Variants in ULK4 observed in about 807,000 individuals in gnomAD.
ULK4 encodes the protein inactive serine/threonine-protein kinase ULK4.
A neutral mutation model predicts 160.6 loss-of-function variants in ULK4; 133 were observed. The observed-to-expected ratio is 0.83, with a 90% confidence interval of 0.72 to 0.96. The LOEUF (loss-of-function observed/expected upper bound fraction) is 0.96, where lower values mean the gene tolerates loss of function less well. ULK4 is among the 40% of genes least tolerant of loss of function. The pLI is 0.00. For synonymous variants in ULK4, 534 were observed against 539.8 expected (o/e 0.99, Z 0.15); for missense variants, 1,580 against 1,499.5 (o/e 1.05, Z -0.89).
At chr3:41,827,394 C>T (rs539091515) in intron 18 of ULK4, among the ~76,000 whole-genome samples, 5 of 151,948 alleles carry the variant, frequency 3.3e-5, no homozygotes, top group Admixed American at 2.6e-4. Flanking sequence ...AAAAGATCAA[C>T]AAAATTGATA....
chr3:41,931,775 C>G, intron 5 of ULK4, 69 bp downstream of exon 5: 2 of 1,550,968 alleles, frequency 1.3e-6, no homozygotes, highest in East Asian at 2.3e-5. Flanking sequence ...CTGACATTGT[C>G]TCCTAAACAC....
At chr3:41,929,403 A>C (rs7620421) in intron 5 of ULK4, among the ~76,000 whole-genome samples, 144,216 of 152,204 alleles carry the variant, frequency 0.95, 68,804 homozygotes, top group East Asian at 1. Flanking sequence ...TGGACAAAAA[A>C]GGAAAGCATT....
intron 12 of ULK4, among the ~76,000 whole-genome samples, chr3:41,902,301 C>T (rs1403312029): frequency 1.3e-5 from 2 of 151,872 alleles, no homozygotes; most frequent in Non-Finnish European, 2.9e-5. Flanking sequence ...AAAAAGAGGC[C>T]GGGTGCAGTG....
intron 5 of ULK4, among the ~76,000 whole-genome samples, chr3:41,926,126 C>T (rs1021050519): frequency 6.6e-6 from 1 of 152,188 alleles, no homozygotes; most frequent in Non-Finnish European, 1.5e-5. Context: ...GCAGGTGCCC[C>T]TCCAGGACGA....
intron 31 of ULK4, among the ~76,000 whole-genome samples, chr3:41,574,316 C>A (rs1290625497): frequency 1.3e-5 from 2 of 152,100 alleles, no homozygotes; most frequent in Non-Finnish European, 2.9e-5. Flanking sequence ...AGCCACAAAC[C>A]TTAGAATCAT....
chr3:41,550,127 G>C (rs1334922486), intron 32 of ULK4, among the ~76,000 whole-genome samples: 4 of 151,950 alleles, frequency 2.6e-5, no homozygotes, highest in African/African-American at 9.7e-5. Context: ...CCTACTGGTA[G>C]AGCAAACAAA....
Position 41,398,255 on chromosome 3 carries a change from C to G in ULK4, c.3502G>C (p.Glu1168Gln). 2 of 1,611,440 alleles carry G rather than the reference C, an allele frequency of 1.2e-6. No homozygotes were observed. Among genetic ancestry groups the G allele is most frequent in the Non-Finnish European group, 1.7e-6 (2 of 1,179,196 alleles). ...ISLLIPLLPN[E>Q]DPEIFDVSSK... ...GAAACATCAAAAATCTCAGGATCTT[C>G]ATTAGGAAGCTGAAAATTAACAAAT... The change falls in exon 35 of 37, where the codon GAA becomes CAA. Residue 1168 changes from glutamate to glutamine, a missense_variant. Glu to Gln is a conservative substitution (Grantham distance 29). Coordinates refer to ENST00000301831, the MANE Select transcript of ULK4 (RefSeq NM_017886.4).
At chr3:41,851,177 A>G (rs935179125) in intron 17 of ULK4, among the ~76,000 whole-genome samples, 12 of 152,116 alleles carry the variant, frequency 7.9e-5, no homozygotes, top group Non-Finnish European at 1.3e-4. Context: ...GAATGCTTCC[A>G]GTTTTTGCCC....
At chr3:41,871,248 T>C (rs906526078) in intron 17 of ULK4, among the ~76,000 whole-genome samples, 11 of 152,340 alleles carry the variant, frequency 7.2e-5, no homozygotes, top group Middle Eastern at 3.4e-3. Context: ...TTCATCATAA[T>C]GCCCTTGAAA....
At chr3:41,831,531 A>ATATATATATATATATATATT in intron 18 of ULK4, among the ~76,000 whole-genome samples, 2 of 138,064 alleles carry the variant, frequency 1.4e-5, no homozygotes, top group African/African-American at 5.7e-5. Flanking sequence ...ATATATATAT[A>ATATATATATATATATATATT]TTTTTTTTTC....
intron 35 of ULK4, among the ~76,000 whole-genome samples, chr3:41,391,265 G>C (rs144217474): frequency 6.6e-6 from 1 of 152,002 alleles, no homozygotes; most frequent in Non-Finnish European, 1.5e-5. Flanking sequence ...TTTCAGAAAC[G>C]CTTAAGAGCA....
At chr3:41,490,738 T>G (rs147986035) in intron 32 of ULK4, among the ~76,000 whole-genome samples, 224 of 152,338 alleles carry the variant, frequency 1.5e-3, no homozygotes, top group African/African-American at 5.1e-3. Context: ...TACCATGGTT[T>G]GGGAATATTA....
In ULK4 at chr3:41,962,060, C is replaced by G. The variant is rs997518246; in HGVS notation, c.-93G>C. 4 of 152,472 alleles carry G rather than the reference C, an allele frequency of 2.6e-5. No individual in the cohort carries two copies. Among genetic ancestry groups the G allele is most frequent in the African/African-American group, 9.6e-5 (4 of 41,480 alleles). The allele number at this position is 152,472 out of a possible 1,614,324, so 9.4% of individuals were successfully genotyped here. On this transcript the variant is annotated 5_prime_UTR_variant, in exon 1 of 37. Coordinates refer to ENST00000301831, the MANE Select transcript of ULK4 (RefSeq NM_017886.4). ...AAGAGTCCAGTCCACTTGGCTGCTC[C>G]CGCGGTTGCGCGCATCTCGGCCTCT...
chr3:41,431,379 T>C (rs2082903380), intron 34 of ULK4, among the ~76,000 whole-genome samples: 1 of 147,862 alleles, frequency 6.8e-6, no homozygotes. Context: ...ATAATAATAA[T>C]AATAATAATA....
intron 32 of ULK4, among the ~76,000 whole-genome samples, chr3:41,500,796 A>C (rs977195760): frequency 6.6e-6 from 1 of 152,204 alleles, no homozygotes; most frequent in Non-Finnish European, 1.5e-5. Flanking sequence ...CATGCCGGTC[A>C]TATTAGTTTT....
chr3:41,647,471 T>G (rs951722466), intron 30 of ULK4, among the ~76,000 whole-genome samples: 2 of 152,238 alleles, frequency 1.3e-5, no homozygotes, highest in Non-Finnish European at 2.9e-5. Flanking sequence ...CAGACCCTGT[T>G]TGCCTGGGTA....
At chr3:41,290,837 A>G (rs1331381790) in intron 35 of ULK4, among the ~76,000 whole-genome samples, 1 of 152,132 alleles carries the variant, frequency 6.6e-6, no homozygotes, top group Non-Finnish European at 1.5e-5. Flanking sequence ...AATCCTGAAA[A>G]CTATAATTCC....
intron 18 of ULK4, among the ~76,000 whole-genome samples, chr3:41,827,473 A>G (rs1430849953): frequency 6.6e-6 from 1 of 152,216 alleles, no homozygotes; most frequent in Non-Finnish European, 1.5e-5. Context: ...GGATATCACC[A>G]CCGATCCCAC....
intron 22 of ULK4, among the ~76,000 whole-genome samples, chr3:41,721,360 A>T (rs1161929346): frequency 0.012 from 614 of 51,422 alleles, 27 homozygotes; most frequent in African/African-American, 0.061. Flanking sequence ...ATATATATAT[A>T]TATTTTTTTT....
Sources: gnomAD v4.1 joint callset for allele counts (sites outside exome capture counted in the v4.1 genomes callset) on GRCh38, gnomAD v4.1.1 for gene constraint, MANE v1.5 for transcripts, NCBI Gene and HGNC (gene_info 2026-07-23, HGNC 2026-07-21) for gene names.